SEMA4B: variants seen among roughly 807,000 people sequenced by gnomAD.
SEMA4B encodes semaphorin 4B.
SEMA4B carries 55 observed loss-of-function variants against 88.1 expected under a neutral mutation model. The ratio of observed to expected loss-of-function variants is 0.62; its 90% confidence interval spans 0.50 to 0.78. The LOEUF is 0.78. SEMA4B is among the 30% of genes least tolerant of loss of function. SEMA4B has a pLI of 0.00. For synonymous variants in SEMA4B, 525 were observed against 473.6 expected, an observed-to-expected ratio of 1.11 and a Z score of -1.41; for missense variants, 1,062 against 1,111.9, an observed-to-expected ratio of 0.96 and a Z score of 0.64.
intron 1 of SEMA4B, chr15:90,206,995 A>C (rs200244492): frequency 6.5e-6 from 3 of 462,178 alleles, no homozygotes; most frequent in African/African-American, 4.1e-5. Flanking sequence ...CACAAAAAAA[A>C]CAAAAAAAGC....
chr15:90,225,695 T>C lies in SEMA4B; in HGVS notation c.1556T>C (p.Val519Ala), dbSNP rs1344084662. The C allele has an allele frequency of 6.4e-7, 1 of 1,568,026 alleles. No individual in the cohort carries two copies. The highest frequency in any genetic ancestry group is 8.6e-7 in the Non-Finnish European group (1 of 1,157,500). ...TATGCGGCCTCACACTCGGGCGTAG[T>C]CCAGGTGCCCATGGCCAACTGCAGC... ...LLYAASHSGV[V>A]QVPMANCSLY... Residue 519 changes from valine to alanine, a missense_variant, in exon 12 of 14, where the codon GTC (valine) becomes GCC (alanine). By Grantham distance (64) the Val-to-Ala change is moderately conservative. Coordinates refer to ENST00000411539, the MANE Select transcript of SEMA4B (RefSeq NM_198925.4).
In SEMA4B at chr15:90,217,827, C is replaced by G. The variant is rs1279629711; in HGVS notation, c.382C>G (p.Gln128Glu). Residue 128 changes from glutamine to glutamate, a missense_variant and splice_region_variant, in exon 3 of 14, where the codon CAG (glutamine) becomes GAG (glutamate). Transcript: ENST00000411539. Reference protein sequence around the residue: ...QQCSFKGKDPQRDCQNYIKIL... With the variant: ...QQCSFKGKDPERDCQNYIKIL... ...GTGCAGCTTCAAGGGCAAGGACCCACAGGTGAGCCCACACCTGGAAGGGAG... is the reference window on the plus strand; with the variant it reads ...GTGCAGCTTCAAGGGCAAGGACCCAGAGGTGAGCCCACACCTGGAAGGGAG... The G allele has an allele frequency of 1.9e-6, 3 of 1,611,454 alleles. No homozygotes were observed.
At chr15:90,223,404 C>T (rs1188067320) in intron 7 of SEMA4B, among the ~76,000 whole-genome samples, 155 bp from the exon 8 acceptor site, 4 of 152,200 alleles carry the variant, frequency 2.6e-5, no homozygotes, top group Admixed American at 6.5e-5. Context: ...GATGCGTACA[C>T]TGCTCTTCCT....
intron 9 of SEMA4B, 68 bp from the exon 10 acceptor site, chr15:90,224,900 A>AGCAG (rs1962059779): frequency 2.3e-6 from 3 of 1,329,572 alleles, no homozygotes; most frequent in Admixed American, 1.7e-5. Flanking sequence ...CCACTGGGGA[A>AGCAG]GCAGGGCCCG....
At chr15:90,215,477 C>G (rs1221312000) in intron 1 of SEMA4B, among the ~76,000 whole-genome samples, 1 of 152,126 alleles carries the variant, frequency 6.6e-6, no homozygotes, top group Non-Finnish European at 1.5e-5. Flanking sequence ...TAATTCGTGT[C>G]TTTCCTTGTT....
chr15:90,189,700 G>A (rs926127340), intron 1 of SEMA4B, among the ~76,000 whole-genome samples: 2 of 152,102 alleles, frequency 1.3e-5, no homozygotes, highest in African/African-American at 4.8e-5. Flanking sequence ...GCAGACTAAC[G>A]CACCTTAGAG....
rs998083927 is a variant in SEMA4B, at chr15:90,212,576, C to G, written c.158-4863C>G. ...CGCAGGAAGTAAAGTGCAGAAACAC[C>G]TCCACCCCTGCACAAAGAGCACCTA... On this transcript the variant is annotated intron_variant, in intron 1 of 13. Coordinates refer to ENST00000411539, the MANE Select transcript of SEMA4B (RefSeq NM_198925.4). This position sits in a 1 kb window ranked among gnomAD's most constrained non-coding sequence, Gnocchi z 4.0. Among the ~76,000 whole-genome samples, 2 of 152,162 alleles carry G rather than the reference C, an allele frequency of 1.3e-5. No homozygotes were observed. Among genetic ancestry groups the G allele is most frequent in the African/African-American group, 4.8e-5 (2 of 41,434 alleles).
At chr15:90,217,225 T>C in intron 1 of SEMA4B, 1 of 518,344 alleles carries the variant, frequency 1.9e-6, no homozygotes, top group Non-Finnish European at 3.4e-6. Context: ...AGTATCCTTG[T>C]ACATACATCT....
At chr15:90,221,797 C>G (rs1174220804) in intron 7 of SEMA4B, 32 bp downstream of exon 7, 1 of 1,605,668 alleles carries the variant, frequency 6.2e-7, no homozygotes, top group Middle Eastern at 1.7e-4. Flanking sequence ...GGTGGCCACC[C>G]CAGGGACCTC....
intron 7 of SEMA4B, among the ~76,000 whole-genome samples, chr15:90,222,253 TC>T (rs758972221): frequency 0.091 from 5,403 of 59,298 alleles, 371 homozygotes; most frequent in African/African-American, 0.36. Flanking sequence ...TTTTTTCTTT[TC>T]TTTTTTTTTT....
rs946515425 is a variant in SEMA4B at position 90,212,372 on chromosome 15, G to T, written c.158-5067G>T. Reference sequence around the variant, plus strand: ...TGGAGGGAGAGGGTTCACCCTGAATGGGAAAACCGGCCGCAGCCTCGGCGT... The same window carrying T: ...TGGAGGGAGAGGGTTCACCCTGAATTGGAAAACCGGCCGCAGCCTCGGCGT... On this transcript the variant is annotated intron_variant, in intron 1 of 13. Transcript: ENST00000411539. This position sits in a 1 kb window ranked among gnomAD's most constrained non-coding sequence, Gnocchi z 4.0. 1.1e-4 allele frequency among the ~76,000 whole-genome samples: 17 copies of T among 152,164 alleles called. No homozygotes were observed. Among genetic ancestry groups the T allele is most frequent in the African/African-American group, 4.1e-4 (17 of 41,430 alleles).
chr15:90,204,489 G>GT (rs1960897741), intron 1 of SEMA4B, among the ~76,000 whole-genome samples: 1 of 152,204 alleles, frequency 6.6e-6, no homozygotes, highest in South Asian at 2.1e-4. Context: ...CCAGTGGCCA[G>GT]TAGGGAGAGG....
intron 1 of SEMA4B, among the ~76,000 whole-genome samples, chr15:90,195,045 C>CT (rs750709856): frequency 0.015 from 2,210 of 143,100 alleles, 49 homozygotes; most frequent in African/African-American, 0.047. Context: ...TGCTCCATGG[C>CT]TTTTTTTTTT....
At chr15:90,196,826 G>C (rs1488766044), upstream of SEMA4B, among the ~76,000 whole-genome samples, 1 of 152,152 alleles carries the variant, frequency 6.6e-6, no homozygotes, top group Non-Finnish European at 1.5e-5. Flanking sequence ...GTAAAGAAAA[G>C]CTTCCTTTTC....
Position 90,217,483 on chromosome 15 carries a change from T to A in SEMA4B, c.202T>A (p.Ser68Thr). 1 of 1,613,874 alleles carries A rather than the reference T, an allele frequency of 6.2e-7. No individual in the cohort carries two copies. Among genetic ancestry groups the A allele is most frequent in the Non-Finnish European group, 8.5e-7 (1 of 1,179,858 alleles). The change falls in exon 2 of 14, where the codon TCC becomes ACC. Residue 68 changes from serine (S) to threonine (T), a missense_variant. Physicochemically the swap from Ser to Thr is moderately conservative, Grantham distance 58. Transcript: ENST00000411539. ...CCTCAGATTCGAAGCTGAACACATC[T>A]CCAACTACACAGCCCTTCTGCTGAG... ...PFLRFEAEHISNYTALLLSRD... is the reference protein window; with the variant it reads ...PFLRFEAEHITNYTALLLSRD...
rs568448309 is a variant in SEMA4B at position 90,216,673 on chromosome 15, G to A, written c.158-766G>A. ...AGCCTGGCCAACATGGTGAAACCCC[G>A]TCTCTACTAAAAATACAAAAATTAG... On this transcript the variant is annotated intron_variant, in intron 1 of 13. Transcript: ENST00000411539. Among the ~76,000 whole-genome samples the A allele has an allele frequency of 5.3e-5, 8 of 152,170 alleles. 1 individual carries two copies. The South Asian group carries it at 8.3e-4, about 16-fold the overall frequency.
Position 90,224,765 on chromosome 15 carries a change from C to G in SEMA4B, c.1195-203C>G, listed in dbSNP as rs75358165. Among the ~76,000 whole-genome samples, 7 of 152,246 alleles carry G rather than the reference C, an allele frequency of 4.6e-5. No individual in the cohort carries two copies. The East Asian group carries it at 1.4e-3, about 29-fold the overall frequency. On this transcript the variant is annotated intron_variant, in intron 9 of 13. Transcript: ENST00000411539. ...GGAGGAGGCACAGCAAGGAAGCCCT[C>G]CAAGCACTCGGTTTCCCCGCACCCT...
chr15:90,207,045 C>T (rs1961026960), intron 1 of SEMA4B: 4 of 353,410 alleles, frequency 1.1e-5, no homozygotes, highest in Middle Eastern at 9.4e-4. Flanking sequence ...AGCTCACCAT[C>T]GACCCTCTTC....
In SEMA4B at chr15:90,217,369, T is replaced by C; in HGVS notation, c.158-70T>C. 4 of 1,485,684 alleles carry C rather than the reference T, an allele frequency of 2.7e-6. No homozygotes were observed. In the South Asian group the frequency reaches 5.2e-5, roughly 19 times the overall value. The allele number at this position is 1,485,684 out of a possible 1,614,324, so 92.0% of individuals were successfully genotyped here. On this transcript the variant is annotated intron_variant, in intron 1 of 13. Transcript: ENST00000411539. ...TTACCTTCCTTTAAACCAGTCCATCTAAAGGTTGGTGTTAAGAGGCTTCCC... is the reference window on the plus strand; with the variant it reads ...TTACCTTCCTTTAAACCAGTCCATCCAAAGGTTGGTGTTAAGAGGCTTCCC...
Sources: allele counts gnomAD v4.1 joint callset (sites outside exome capture counted in the v4.1 genomes callset), GRCh38; gene constraint gnomAD v4.1.1; non-coding constraint Gnocchi (gnomAD v3.1); transcripts MANE v1.5; gene names NCBI Gene and HGNC (gene_info 2026-07-23, HGNC 2026-07-21).